The following DNAJB14 variants were observed in gnomAD, a reference collection of about 807,000 sequenced individuals.
The protein encoded by DNAJB14 is DnaJ heat shock protein family (Hsp40) member B14.
Under a neutral mutation model 48.4 loss-of-function variants are expected in DNAJB14, and 22 were observed. The ratio of observed to expected loss-of-function variants is 0.45; its 90% confidence interval spans 0.32 to 0.65. The LOEUF is 0.65. DNAJB14 is among the 30% of genes least tolerant of loss of function. The probability of loss-of-function intolerance (pLI) is 0.03; values close to 1 mark genes in which losing one functional copy is unlikely to be tolerated. For synonymous variants in DNAJB14, 142 were observed against 158.7 expected (o/e 0.89, Z 0.79); for missense variants, 319 against 458.8 (o/e 0.70, Z 2.78).
chr4:99,944,061 T>C (rs1384309437), intron 1 of DNAJB14, among the ~76,000 whole-genome samples: 2 of 151,434 alleles, frequency 1.3e-5, no homozygotes, highest in African/African-American at 4.8e-5. Flanking sequence ...AGTAATGTGA[T>C]TTAAAAATGG....
chr4:99,946,370 T>G, intron 1 of DNAJB14, 69 bp downstream of exon 1: 18 of 1,545,640 alleles, frequency 1.2e-5, no homozygotes, highest in Non-Finnish European at 1.5e-5. Flanking sequence ...GGGGCCGAGG[T>G]GGGGGCAGGG....
At chr4:99,931,804 G>A (rs1400885367) in intron 1 of DNAJB14, among the ~76,000 whole-genome samples, 4 of 150,472 alleles carry the variant, frequency 2.7e-5, no homozygotes, top group Admixed American at 6.6e-5. Context: ...TACAAAAAAT[G>A]TAACTAAAAA....
intron 2 of DNAJB14, chr4:99,928,518 C>T (rs1008470097): frequency 1.4e-5 from 6 of 429,184 alleles, no homozygotes; most frequent in Non-Finnish European, 2.9e-5. Flanking sequence ...CCAACCCCAC[C>T]CCACATATAT....
chr4:99,919,583 T>TAAA (rs1458813697), intron 3 of DNAJB14, among the ~76,000 whole-genome samples: 4 of 123,160 alleles, frequency 3.2e-5, no homozygotes, highest in African/African-American at 1.4e-4. Context: ...GACTCCATCT[T>TAAA]AAAAAACAAA....
intron 3 of DNAJB14, among the ~76,000 whole-genome samples, chr4:99,919,719 C>A (rs1725986462): frequency 6.6e-6 from 1 of 152,040 alleles, no homozygotes. Flanking sequence ...TGTTTGTTTT[C>A]TTTATTTTAT....
rs758630617 is a variant in DNAJB14, at chr4:99,939,025, T to C, written c.133+7414A>G. On this transcript the variant is annotated intron_variant, in intron 1 of 7. Transcript: ENST00000442697. ...ATAAAAAAAAAAACTTTTTAAAAAT[T>C]GTAGAGCCAGATATGAAAGTGGTTA... Among the ~76,000 whole-genome samples the C allele has an allele frequency of 2.6e-5, 4 of 152,240 alleles. No homozygotes were observed. In the South Asian group the frequency reaches 8.3e-4, roughly 32 times the overall value.
rs1474879371 is a variant in DNAJB14 at position 99,896,860 on chromosome 4, A to G, written c.*4168T>C. The G allele has an allele frequency of 6.6e-6, 1 of 152,154 alleles. No homozygotes were observed. The highest frequency in any genetic ancestry group is 1.9e-4 in the East Asian group (1 of 5,202). The allele number at this position is 152,154 out of a possible 1,614,324, so 9.4% of individuals were successfully genotyped here. ...CTTGCCATGCCAGGTGTCATCTGCT[A>G]TGCAGTTACAAGACATCTTGGCAAC... On this transcript the variant is annotated 3_prime_UTR_variant, in exon 8 of 8. Coordinates refer to ENST00000442697, the MANE Select transcript of DNAJB14 (RefSeq NM_001031723.4).
rs1374213328 is a variant in DNAJB14, at chr4:99,900,528, A to C, written c.*500T>G. ...AGTTTTTGTTTTTTCTTTTTGAAAA[A>C]GTTTCATTGTTTAAAGTCCACATAT... is the stretch of plus-strand genomic sequence containing the variant. On this transcript the variant is annotated 3_prime_UTR_variant, in exon 8 of 8. Transcript: ENST00000442697. 6.6e-6 allele frequency: 1 copy of C among 152,254 alleles called. No homozygotes were observed. Among genetic ancestry groups the C allele is most frequent in the Non-Finnish European group, 1.5e-5 (1 of 67,966 alleles). 9.4% of individuals were successfully genotyped at this position (152,254 alleles called of 1,614,324 possible). A position where few individuals can be genotyped will look rare whatever the true frequency, so the allele number is the denominator to read the frequency against.
chr4:99,922,770 G>T, intron 3 of DNAJB14: 1 of 273,098 alleles, frequency 3.7e-6, no homozygotes. Flanking sequence ...CACCCTATTT[G>T]TTCCTGGTAA....
At chr4:99,927,528 A>T (rs1291225455) in intron 2 of DNAJB14, 2 of 152,192 alleles carry the variant, frequency 1.3e-5, no homozygotes, top group Non-Finnish European at 2.9e-5. Flanking sequence ...ATAATTTCAC[A>T]CTGATCTTGT....
At chr4:99,912,537 C>T (rs541444594) in intron 3 of DNAJB14, among the ~76,000 whole-genome samples, 52 of 151,790 alleles carry the variant, frequency 3.4e-4, no homozygotes, top group South Asian at 2.9e-3. Context: ...TGGAGCGCAA[C>T]GGCGCGATCT....
Position 99,930,504 on chromosome 4 carries a change from C to A in DNAJB14, c.251G>T (p.Gly84Val). Residue 84 changes from glycine to valine, a missense_variant, in exon 2 of 8, where the codon GGT becomes GTT. Physicochemically the swap from Gly to Val is moderately radical, Grantham distance 109. Transcript: ENST00000442697. The part of the protein sequence containing the change: ...KPNCTKDSTS[G>V]SGEGGKGYTK... ...ATAGCCTTTTCCACCTTCACCACTA[C>A]CAGATGTGCTGTCCTTTGTGCAATT... The A allele has an allele frequency of 6.2e-7, 1 of 1,611,778 alleles. No homozygotes were observed. Among genetic ancestry groups the A allele is most frequent in the East Asian group, 2.2e-5 (1 of 44,774 alleles).
intron 1 of DNAJB14, among the ~76,000 whole-genome samples, chr4:99,941,027 C>G (rs544381849): frequency 5.3e-5 from 8 of 151,586 alleles, no homozygotes; most frequent in African/African-American, 1.9e-4. Context: ...GGCCTTATGG[C>G]TATAATATTT....
At chr4:99,926,675 C>A (rs1726266904) in intron 2 of DNAJB14, 1 of 151,264 alleles carries the variant, frequency 6.6e-6, no homozygotes, top group Non-Finnish European at 1.5e-5. Context: ...ATACTGTAGA[C>A]AAAGTAGGTG....
intron 1 of DNAJB14, among the ~76,000 whole-genome samples, chr4:99,933,632 C>T (rs1006571880): frequency 6.6e-6 from 1 of 152,134 alleles, no homozygotes; most frequent in East Asian, 1.9e-4. Flanking sequence ...AGTCTGCAAT[C>T]GCAATGAACG....
chr4:99,926,443 A>G (rs1726257485), intron 2 of DNAJB14: 1 of 152,212 alleles, frequency 6.6e-6, no homozygotes, highest in Non-Finnish European at 1.5e-5. Flanking sequence ...AGCAGTTAAT[A>G]GAAGTGAAAC....
intron 3 of DNAJB14, among the ~76,000 whole-genome samples, chr4:99,922,136 G>A (rs1233284708): frequency 6.6e-6 from 1 of 152,038 alleles, no homozygotes; most frequent in Non-Finnish European, 1.5e-5. Flanking sequence ...GGCTTTTATT[G>A]GAATATATTA....
intron 5 of DNAJB14, chr4:99,906,230 T>C: frequency 7.4e-7 from 1 of 1,345,306 alleles, no homozygotes; most frequent in Non-Finnish European, 9.7e-7. Flanking sequence ...CTCTAAATTC[T>C]TCAGGGCCAA....
chr4:99,932,733 A>C (rs1012818672), intron 1 of DNAJB14, among the ~76,000 whole-genome samples: 1 of 152,244 alleles, frequency 6.6e-6, no homozygotes, highest in African/African-American at 2.4e-5. Context: ...AAAAGATACA[A>C]ACAACCAAAT....
Sources: gnomAD v4.1 joint callset for allele counts (sites outside exome capture counted in the v4.1 genomes callset) on GRCh38, gnomAD v4.1.1 for gene constraint, MANE v1.5 for transcripts, NCBI Gene and HGNC (gene_info 2026-07-23, HGNC 2026-07-21) for gene names.